PPP6R3: variants seen among roughly 807,000 people sequenced by gnomAD.
PPP6R3 encodes serine/threonine-protein phosphatase 6 regulatory subunit 3.
A neutral mutation model predicts 110.7 loss-of-function variants in PPP6R3; 38 were observed. The ratio of observed to expected loss-of-function variants is 0.34; its 90% CI spans 0.26 to 0.45. The LOEUF is 0.45. Ranked by LOEUF, PPP6R3 falls within the 20% of genes least tolerant of loss-of-function variation. The pLI is 1.00. For synonymous variants in PPP6R3, 369 were observed against 373.5 expected (o/e 0.99, Z 0.14); for missense variants, 870 against 1,062.4 (o/e 0.82, Z 2.52).
intron 14 of PPP6R3, among the ~76,000 whole-genome samples, chr11:68,577,302 T>A (rs1402870956): frequency 6.6e-6 from 1 of 151,358 alleles, no homozygotes; most frequent in East Asian, 1.9e-4. Context: ...ATAATCAGGG[T>A]TTTTTTTGTA....
chr11:68,554,643 C>T (rs956599861), intron 7 of PPP6R3, among the ~76,000 whole-genome samples: 3 of 152,114 alleles, frequency 2.0e-5, no homozygotes, highest in Admixed American at 6.6e-5. Context: ...TTTAAGGATT[C>T]ATTGTATCTT....
At chr11:68,538,865 A>G (rs556715181) in intron 3 of PPP6R3, among the ~76,000 whole-genome samples, 1 of 152,314 alleles carries the variant, frequency 6.6e-6, no homozygotes, top group Admixed American at 6.5e-5. Context: ...CATGCCTGTA[A>G]TCCCAGCACT....
At chr11:68,462,631 G>A (rs2153218306) in intron 1 of PPP6R3, among the ~76,000 whole-genome samples, 1 of 152,348 alleles carries the variant, frequency 6.6e-6, no homozygotes, top group African/African-American at 2.4e-5. Flanking sequence ...TTTTGTCCTG[G>A]AGGGATACTT....
intron 1 of PPP6R3, among the ~76,000 whole-genome samples, chr11:68,501,823 T>C (rs1224739860): frequency 6.6e-6 from 1 of 152,234 alleles, no homozygotes; most frequent in Non-Finnish European, 1.5e-5. Context: ...CTTGGGTGCC[T>C]ACCCGGTGCC....
At chr11:68,492,821 G>A (rs1393864333) in intron 1 of PPP6R3, among the ~76,000 whole-genome samples, 1 of 152,188 alleles carries the variant, frequency 6.6e-6, no homozygotes, top group East Asian at 1.9e-4. Context: ...TCAAAGCATT[G>A]TTGGTTGCTT....
At chr11:68,612,798 G>T in intron 23 of PPP6R3, 1 of 501,344 alleles carries the variant, frequency 2.0e-6, no homozygotes, top group Non-Finnish European at 3.4e-6. Context: ...CTTCTTGGAG[G>T]CCGCGGTGGG....
rs142668445 is a variant in PPP6R3, at chr11:68,528,061, T to G, written c.-7+8410T>G. 1.5e-4 allele frequency among the ~76,000 whole-genome samples: 23 copies of G among 152,354 alleles called. No individual in the cohort carries two copies. The East Asian group carries it at 4.4e-3, about 29-fold the overall frequency. Reference sequence around the variant, plus strand: ...AACAAGGTTGAAATGTATGCCTGCCTGTCTCTGTTTTCTCTGTTCTCAATT... The same window carrying G: ...AACAAGGTTGAAATGTATGCCTGCCGGTCTCTGTTTTCTCTGTTCTCAATT... On this transcript the variant is annotated intron_variant, in intron 2 of 23. Coordinates refer to ENST00000393800, the MANE Select transcript of PPP6R3 (RefSeq NM_001164161.2).
At chr11:68,574,013 T>A in intron 12 of PPP6R3, 96 bp from the exon 13 acceptor site, 1 of 848,248 alleles carries the variant, frequency 1.2e-6, no homozygotes. Context: ...GCCTTCAGGG[T>A]TTAAAATGAT....
intron 14 of PPP6R3, among the ~76,000 whole-genome samples, chr11:68,577,802 ATTGC>A (rs2099537767): frequency 6.6e-6 from 1 of 152,172 alleles, no homozygotes; most frequent in South Asian, 2.1e-4. Context: ...TGTCACTCAG[ATTGC>A]GTCTCGGTTC....
intron 1 of PPP6R3, among the ~76,000 whole-genome samples, chr11:68,487,616 A>C (rs1055042031): frequency 6.6e-6 from 1 of 151,948 alleles, no homozygotes; most frequent in African/African-American, 2.4e-5. Flanking sequence ...AAATACTTTC[A>C]ACTTTCTCTT....
At chr11:68,609,737 C>T (rs947216979) in intron 22 of PPP6R3, 167 bp from the exon 23 acceptor site, 7 of 1,555,718 alleles carry the variant, frequency 4.5e-6, no homozygotes, top group African/African-American at 2.7e-5. Context: ...ATTCCCCAGT[C>T]ACTGTCTGTG....
chr11:68,560,894 CTTTTTTT>C (rs11295490), intron 8 of PPP6R3, among the ~76,000 whole-genome samples: 14 of 117,898 alleles, frequency 1.2e-4, no homozygotes, highest in African/African-American at 4.2e-4. Flanking sequence ...TTCCTTATAC[CTTTTTTT>C]TTTTTTTTTT....
At chr11:68,577,811 C>T (rs1457760451) in intron 14 of PPP6R3, among the ~76,000 whole-genome samples, 3 of 152,158 alleles carry the variant, frequency 2.0e-5, no homozygotes, top group East Asian at 1.9e-4. Flanking sequence ...GATTGCGTCT[C>T]GGTTCTTCTT....
At chr11:68,554,094 A>C (rs372660146) in intron 6 of PPP6R3, 51 bp from the exon 7 acceptor site, 134 of 1,329,736 alleles carry the variant, frequency 1.0e-4, no homozygotes, top group Non-Finnish European at 1.3e-4. Flanking sequence ...TTAAATTATA[A>C]ATTTAACTTC....
chr11:68,531,228 G>A (rs1792289718), intron 2 of PPP6R3, among the ~76,000 whole-genome samples: 1 of 152,078 alleles, frequency 6.6e-6, no homozygotes, highest in South Asian at 2.1e-4. Flanking sequence ...TTAAAATCAG[G>A]CATCAGCAGC....
chr11:68,589,264 A>G (rs2099588366), intron 16 of PPP6R3, among the ~76,000 whole-genome samples: 1 of 152,118 alleles, frequency 6.6e-6, no homozygotes, highest in African/African-American at 2.4e-5. Flanking sequence ...TGTGTTGTTG[A>G]CTGGGGCATC....
chr11:68,583,284 G>A (rs1227703471), intron 15 of PPP6R3, among the ~76,000 whole-genome samples, 155 bp downstream of exon 15: 1 of 152,210 alleles, frequency 6.6e-6, no homozygotes, highest in African/African-American at 2.4e-5. Context: ...GAAGTGCTGG[G>A]TAAATGAAAG....
At chr11:68,536,653 G>A (rs2099272592) in intron 2 of PPP6R3, among the ~76,000 whole-genome samples, 2 of 152,090 alleles carry the variant, frequency 1.3e-5, no homozygotes, top group African/African-American at 4.8e-5. Context: ...CTTTTAAATA[G>A]CATGTGGATA....
rs1942525777 is a variant in PPP6R3 at position 68,609,960 on chromosome 11, G to A, written c.2507G>A (p.Cys836Tyr). 8 of 1,614,198 alleles carry A rather than the reference G, an allele frequency of 5.0e-6. No homozygotes were observed. Among genetic ancestry groups the A allele is most frequent in the Non-Finnish European group, 5.9e-6 (7 of 1,180,034 alleles). The change falls in exon 23 of 24, where the codon TGT becomes TAT. Residue 836 changes from cysteine (C) to tyrosine (Y), a missense_variant. Physicochemically the swap from Cys to Tyr is radical, Grantham distance 194 (BLOSUM62 -2). Transcript: ENST00000393800. ...QDAACKDAEE[C>Y]PETAEAKCAA... ...GCTGCTTGTAAAGACGCAGAGGAGTGTCCCGAGACTGCAGAGGCGAAGTGC... is the reference window on the plus strand; with the variant it reads ...GCTGCTTGTAAAGACGCAGAGGAGTATCCCGAGACTGCAGAGGCGAAGTGC...
Sources: allele counts gnomAD v4.1 joint callset (sites outside exome capture counted in the v4.1 genomes callset), GRCh38; gene constraint gnomAD v4.1.1; transcripts MANE v1.5; gene names NCBI Gene and HGNC (gene_info 2026-07-23, HGNC 2026-07-21).